Variants in CACNA2D3 observed in about 807,000 individuals in gnomAD.
CACNA2D3 encodes voltage-dependent calcium channel subunit alpha-2/delta-3.
CACNA2D3 carries 60 observed loss-of-function variants against 160.6 expected under a neutral mutation model. The ratio of observed to expected loss-of-function variants is 0.37; its 90% CI spans 0.30 to 0.46. The LOEUF (loss-of-function observed/expected upper bound fraction) is 0.46. Ranked by LOEUF, CACNA2D3 falls within the 20% of genes least tolerant of loss-of-function variation. The pLI, the probability that CACNA2D3 is intolerant of heterozygous loss-of-function variation, is 1.00. For missense variants in CACNA2D3, 1,205 were observed against 1,365.0 expected (o/e 0.88, Z 1.85); for synonymous variants, 558 against 492.9 (o/e 1.13, Z -1.75).
chr3:54,217,385 A>C (rs1701481921), intron 2 of CACNA2D3, among the ~76,000 whole-genome samples: 1 of 152,198 alleles, frequency 6.6e-6, no homozygotes, highest in African/African-American at 2.4e-5. Context: ...TGGACACCAT[A>C]GTAGGCTGGA....
intron 4 of CACNA2D3, among the ~76,000 whole-genome samples, chr3:54,414,992 G>T (rs112283073): frequency 1.3e-5 from 2 of 152,088 alleles, no homozygotes; most frequent in African/African-American, 4.8e-5. Flanking sequence ...TACATACACA[G>T]TGTGATTGCG....
chr3:54,963,656 T>C (rs1702082714), intron 27 of CACNA2D3, among the ~76,000 whole-genome samples: 1 of 152,224 alleles, frequency 6.6e-6, no homozygotes, highest in Non-Finnish European at 1.5e-5. Flanking sequence ...GCAAATGGTC[T>C]ATGTGTTTTG....
chr3:54,982,325 A>G (rs937729011), intron 29 of CACNA2D3, among the ~76,000 whole-genome samples: 1 of 152,168 alleles, frequency 6.6e-6, no homozygotes, highest in Admixed American at 6.5e-5. Context: ...TTGATCAAGC[A>G]TCTTTGCCTT....
At chr3:54,762,238 C>G (rs1406082855) in intron 12 of CACNA2D3, among the ~76,000 whole-genome samples, 1 of 152,144 alleles carries the variant, frequency 6.6e-6, no homozygotes, top group East Asian at 1.9e-4. Context: ...CTCTCTCTAC[C>G]AACTCCTTAA....
intron 13 of CACNA2D3, among the ~76,000 whole-genome samples, chr3:54,806,729 A>C (rs531243085): frequency 1.4e-3 from 207 of 152,270 alleles, no homozygotes; most frequent in Admixed American, 4.4e-3. Flanking sequence ...GAACCAAAAA[A>C]GAGCCCGCAT....
intron 2 of CACNA2D3, among the ~76,000 whole-genome samples, chr3:54,309,681 G>C (rs1044568925): frequency 6.6e-6 from 1 of 152,092 alleles, no homozygotes; most frequent in Admixed American, 6.5e-5. Context: ...TCTCCTGAGG[G>C]GGGTGTCAGA....
intron 35 of CACNA2D3, among the ~76,000 whole-genome samples, chr3:55,066,297 A>G (rs569771518): frequency 6.6e-6 from 1 of 152,332 alleles, no homozygotes; most frequent in East Asian, 1.9e-4. Flanking sequence ...ATCTTTGGAT[A>G]AAATCTGGAG....
intron 35 of CACNA2D3, among the ~76,000 whole-genome samples, chr3:55,021,715 G>GTGTGTATA (rs1553632885): frequency 3.5e-5 from 5 of 141,406 alleles, no homozygotes; most frequent in African/African-American, 1.3e-4. Context: ...ATATGTGTGT[G>GTGTGTATA]TATATATATA....
chr3:54,354,646 A>C (rs1432630796), intron 3 of CACNA2D3, among the ~76,000 whole-genome samples: 1 of 152,202 alleles, frequency 6.6e-6, no homozygotes, highest in African/African-American at 2.4e-5. Flanking sequence ...AAGGAAAAAG[A>C]AAAACAGGCA....
intron 2 of CACNA2D3, among the ~76,000 whole-genome samples, chr3:54,270,183 T>C (rs1320729696): frequency 3.9e-5 from 6 of 152,254 alleles, no homozygotes; most frequent in African/African-American, 1.2e-4. Flanking sequence ...AGCAAACTTA[T>C]CTAGGTGCTG....
intron 9 of CACNA2D3, among the ~76,000 whole-genome samples, chr3:54,612,382 A>G (rs1407527100): frequency 6.6e-6 from 1 of 152,090 alleles, no homozygotes; most frequent in African/African-American, 2.4e-5. Flanking sequence ...ATCATAGTCT[A>G]CCTGGAATCA....
intron 2 of CACNA2D3, among the ~76,000 whole-genome samples, chr3:54,201,684 G>GTATCATCATC (rs1559880486): frequency 6.6e-6 from 1 of 152,154 alleles, no homozygotes; most frequent in Non-Finnish European, 1.5e-5. Context: ...TCGAAAGACT[G>GTATCATCATC]TATCATCATC....
At chr3:54,248,708 G>A (rs939722271) in intron 2 of CACNA2D3, among the ~76,000 whole-genome samples, 15 of 152,230 alleles carry the variant, frequency 9.9e-5, no homozygotes, top group South Asian at 2.1e-4. Flanking sequence ...CTCCAGAACC[G>A]TGGGAAAATA....
intron 5 of CACNA2D3, among the ~76,000 whole-genome samples, chr3:54,526,056 A>G (rs183059582): frequency 3.3e-5 from 5 of 151,762 alleles, no homozygotes; most frequent in African/African-American, 9.7e-5. Flanking sequence ...CTATTAATCT[A>G]TCTTCAAGTT....
At chr3:54,526,687 T>C (rs929829604) in intron 5 of CACNA2D3, among the ~76,000 whole-genome samples, 9 of 152,148 alleles carry the variant, frequency 5.9e-5, no homozygotes, top group Admixed American at 4.6e-4. Flanking sequence ...GTATTTGTTT[T>C]TGTTTTCATT....
chr3:54,478,601 C>T (rs893598101), intron 4 of CACNA2D3, among the ~76,000 whole-genome samples: 1 of 56,212 alleles, frequency 1.8e-5, no homozygotes, highest in Non-Finnish European at 4.1e-5. Context: ...CACTGCACTC[C>T]AGCCTGGGCA....
chr3:54,776,342 G>A (rs1702424202), intron 13 of CACNA2D3, among the ~76,000 whole-genome samples: 3 of 152,034 alleles, frequency 2.0e-5, no homozygotes, highest in South Asian at 2.1e-4. Flanking sequence ...ACCCCCTGTC[G>A]CTACAAAAAA....
At chr3:54,473,662 A>G (rs1700776425) in intron 4 of CACNA2D3, among the ~76,000 whole-genome samples, 1 of 152,258 alleles carries the variant, frequency 6.6e-6, no homozygotes, top group Non-Finnish European at 1.5e-5. Context: ...TCCAGAATCT[A>G]CAAGGAACAT....
intron 11 of CACNA2D3, among the ~76,000 whole-genome samples, chr3:54,655,348 C>T (rs894411944): frequency 7.9e-5 from 12 of 152,142 alleles, no homozygotes; most frequent in Admixed American, 2.0e-4. Context: ...CAAAATGTTG[C>T]GCTCCCAAGC....
Sources: allele counts gnomAD v4.1 joint callset (sites outside exome capture counted in the v4.1 genomes callset), GRCh38; gene constraint gnomAD v4.1.1; transcripts MANE v1.5; gene names NCBI Gene and HGNC (gene_info 2026-07-23, HGNC 2026-07-21).